The following HS3ST4 variants were observed in gnomAD, a reference collection of about 807,000 sequenced individuals.
HS3ST4 encodes heparan sulfate-glucosamine 3-sulfotransferase 4.
Under a neutral mutation model 29.2 loss-of-function variants are expected in HS3ST4, and 17 were observed. The ratio of observed to expected loss-of-function variants is 0.58; its 90% CI spans 0.40 to 0.87. The LOEUF is 0.87. HS3ST4 is among the 40% of genes least tolerant of loss of function. The probability of loss-of-function intolerance (pLI) is 0.00; values close to 1 mark genes in which losing one functional copy is unlikely to be tolerated. For synonymous variants in HS3ST4, 314 were observed against 285.7 expected (o/e 1.10, Z -1.00); for missense variants, 627 against 634.5 (o/e 0.99, Z 0.13).
At chr16:25,700,300 G>A (rs1394744348) in intron 1 of HS3ST4, among the ~76,000 whole-genome samples, 1 of 152,112 alleles carries the variant, frequency 6.6e-6, no homozygotes, top group Admixed American at 6.6e-5. Context: ...ACATTCTCTT[G>A]AGCCTCCAGT....
intron 1 of HS3ST4, among the ~76,000 whole-genome samples, chr16:26,096,750 A>G (rs1188239549): frequency 6.6e-6 from 1 of 152,206 alleles, no homozygotes; most frequent in Non-Finnish European, 1.5e-5. Context: ...GGCCAGGGCA[A>G]TCAGGCAAGA....
intron 1 of HS3ST4, among the ~76,000 whole-genome samples, chr16:25,974,637 G>A (rs1432486206): frequency 6.6e-6 from 1 of 152,180 alleles, no homozygotes; most frequent in Non-Finnish European, 1.5e-5. Context: ...AGCATGGAAT[G>A]TATCCTCCAA....
At chr16:26,073,211 C>T (rs1259219546) in intron 1 of HS3ST4, among the ~76,000 whole-genome samples, 1 of 152,164 alleles carries the variant, frequency 6.6e-6, no homozygotes, top group African/African-American at 2.4e-5. Context: ...TCACAGCAGC[C>T]TTTAGAAAGA....
intron 1 of HS3ST4, chr16:26,025,233 G>A (rs1477159994): frequency 6.5e-6 from 1 of 154,672 alleles, no homozygotes; most frequent in African/African-American, 2.4e-5. Context: ...ATAGGGCCTA[G>A]TTAGGTTGGT....
chr16:25,831,250 T>C (rs1262876186), intron 1 of HS3ST4, among the ~76,000 whole-genome samples: 1 of 152,112 alleles, frequency 6.6e-6, no homozygotes, highest in Admixed American at 6.6e-5. Context: ...CACCAGTATC[T>C]GAAATAATCA....
chr16:26,113,469 G>GAT (rs1555484734), intron 1 of HS3ST4, among the ~76,000 whole-genome samples: 1 of 71,894 alleles, frequency 1.4e-5, no homozygotes, highest in Non-Finnish European at 2.7e-5. Flanking sequence ...TACAATATAT[G>GAT]ATGTGTGTGT....
chr16:25,698,791 A>G (rs921935797), intron 1 of HS3ST4, among the ~76,000 whole-genome samples: 2 of 152,176 alleles, frequency 1.3e-5, no homozygotes, highest in Non-Finnish European at 2.9e-5. Flanking sequence ...TTGGCTTTGC[A>G]GTGTGCATCT....
chr16:25,810,819 A>G (rs1461428248), intron 1 of HS3ST4, among the ~76,000 whole-genome samples: 1 of 152,208 alleles, frequency 6.6e-6, no homozygotes, highest in East Asian at 1.9e-4. Context: ...TATGCATCAC[A>G]TAGTTTTCAA....
chr16:26,068,411 A>T (rs1165139012), intron 1 of HS3ST4, among the ~76,000 whole-genome samples: 1 of 152,210 alleles, frequency 6.6e-6, no homozygotes, highest in African/African-American at 2.4e-5. Flanking sequence ...GGATCAATAA[A>T]ATAGAGTAAT....
intron 1 of HS3ST4, among the ~76,000 whole-genome samples, chr16:25,772,522 C>T (rs117634998): frequency 2.2e-3 from 342 of 152,214 alleles, no homozygotes; most frequent in Middle Eastern, 0.01. Context: ...ATGGGTTGAT[C>T]CAAGTGAAAA....
intron 1 of HS3ST4, among the ~76,000 whole-genome samples, chr16:25,703,085 G>C (rs1966346745): frequency 6.6e-6 from 1 of 152,106 alleles, no homozygotes; most frequent in Non-Finnish European, 1.5e-5. Flanking sequence ...CCTGAACCCA[G>C]GATGCAGAGG....
At chr16:25,983,748 A>G (rs8049938) in intron 1 of HS3ST4, among the ~76,000 whole-genome samples, 4,697 of 152,224 alleles carry the variant, frequency 0.031, 255 homozygotes, top group African/African-American at 0.11. Context: ...GTGTTGTGAA[A>G]TGTACATCAT....
intron 1 of HS3ST4, among the ~76,000 whole-genome samples, chr16:26,027,632 A>G (rs910833070): frequency 2.6e-5 from 4 of 152,236 alleles, no homozygotes; most frequent in African/African-American, 7.2e-5. Context: ...TTTGGTGAGA[A>G]CAGCTTCCTA....
chr16:25,810,546 T>C (rs1436167579), intron 1 of HS3ST4, among the ~76,000 whole-genome samples: 1 of 152,194 alleles, frequency 6.6e-6, no homozygotes, highest in Non-Finnish European at 1.5e-5. Context: ...TTGCTGAGAA[T>C]AGGGTGTTGA....
chr16:25,760,979 T>C (rs1966785431), intron 1 of HS3ST4, among the ~76,000 whole-genome samples: 1 of 151,884 alleles, frequency 6.6e-6, no homozygotes, highest in African/African-American at 2.4e-5. Context: ...AGGGCCAGGG[T>C]GTGTAGCAAA....
At chr16:26,008,427 C>A (rs1285034415) in intron 1 of HS3ST4, among the ~76,000 whole-genome samples, 1 of 152,158 alleles carries the variant, frequency 6.6e-6, no homozygotes, top group Non-Finnish European at 1.5e-5. Flanking sequence ...GGTACCCCTC[C>A]CAGAGGGATA....
intron 1 of HS3ST4, among the ~76,000 whole-genome samples, chr16:25,846,878 A>T (rs1240290699): frequency 6.6e-6 from 1 of 152,084 alleles, no homozygotes; most frequent in Non-Finnish European, 1.5e-5. Flanking sequence ...CTGTTTTGGT[A>T]CTATCTGTTG....
intron 1 of HS3ST4, among the ~76,000 whole-genome samples, chr16:25,827,136 A>G (rs1242325621): frequency 6.6e-6 from 1 of 152,296 alleles, no homozygotes; most frequent in East Asian, 1.9e-4. Flanking sequence ...AGACACTAGG[A>G]CCAATAATCA....
At chr16:25,956,550 C>A (rs1259157706) in intron 1 of HS3ST4, among the ~76,000 whole-genome samples, 3 of 152,096 alleles carry the variant, frequency 2.0e-5, no homozygotes, top group Non-Finnish European at 4.4e-5. Context: ...TGATCTTATA[C>A]CTAGAAAACT....
Sources: allele counts gnomAD v4.1 joint callset (sites outside exome capture counted in the v4.1 genomes callset), GRCh38; gene constraint gnomAD v4.1.1; transcripts MANE v1.5; gene names NCBI Gene and HGNC (gene_info 2026-07-23, HGNC 2026-07-21).